CDH18: variants seen among roughly 807,000 people sequenced by gnomAD.
CDH18 encodes the protein cadherin 18, also known as cadherin-18.
In CDH18, 31 loss-of-function variants were observed where a neutral mutation model predicts 67.9. That is an observed-to-expected ratio of 0.46 (90% CI 0.34 to 0.62). The LOEUF (loss-of-function observed/expected upper bound fraction) is 0.62. Among genes scored for constraint, CDH18 ranks in the 20% least tolerant of loss-of-function variants. The pLI is 0.01. For missense variants in CDH18, 890 were observed against 975.5 expected (o/e 0.91, Z 1.17); for synonymous variants, 362 against 347.2 (o/e 1.04, Z -0.48).
intron 3 of CDH18, among the ~76,000 whole-genome samples, chr5:19,799,153 A>T (rs192284615): frequency 6.6e-6 from 1 of 152,204 alleles, no homozygotes; most frequent in African/African-American, 2.4e-5. Context: ...TAGTCACAGA[A>T]GAGCAAATAC....
At chr5:19,909,693 A>C (rs542842725) in intron 2 of CDH18, among the ~76,000 whole-genome samples, 2 of 36,342 alleles carry the variant, frequency 5.5e-5, no homozygotes, top group Non-Finnish European at 1.1e-4. Context: ...GTCAAATGGC[A>C]AAAAAAAAAA....
intron 5 of CDH18, among the ~76,000 whole-genome samples, chr5:19,706,726 C>T (rs1036048749): frequency 2.6e-5 from 4 of 152,180 alleles, no homozygotes; most frequent in Non-Finnish European, 5.9e-5. Flanking sequence ...ATTCCAGCTA[C>T]ATTTTTATCT....
chr5:20,340,525 CT>C (rs1257783795), intron 1 of CDH18, among the ~76,000 whole-genome samples: 2 of 152,182 alleles, frequency 1.3e-5, no homozygotes, highest in African/African-American at 4.8e-5. Flanking sequence ...CTCCTTGACG[CT>C]GTCCAGCCTG....
At chr5:20,022,654 A>T (rs559270347) in intron 2 of CDH18, among the ~76,000 whole-genome samples, 1 of 152,220 alleles carries the variant, frequency 6.6e-6, no homozygotes, top group Non-Finnish European at 1.5e-5. Flanking sequence ...GTAAAAATTT[A>T]AGCAGATCTT....
At chr5:20,230,925 G>T (rs1480294775) in intron 2 of CDH18, among the ~76,000 whole-genome samples, 2 of 152,100 alleles carry the variant, frequency 1.3e-5, no homozygotes, top group Non-Finnish European at 2.9e-5. Flanking sequence ...AGGGAAAAAA[G>T]AAATAAAAGG....
chr5:20,563,967 T>G (rs1758357848), intron 1 of CDH18, among the ~76,000 whole-genome samples: 1 of 152,152 alleles, frequency 6.6e-6, no homozygotes, highest in African/African-American at 2.4e-5. Flanking sequence ...GAACCCATGG[T>G]AAGTTTAATC....
chr5:19,663,718 T>A (rs1246927455), intron 5 of CDH18, among the ~76,000 whole-genome samples: 2 of 151,974 alleles, frequency 1.3e-5, no homozygotes, highest in Non-Finnish European at 2.9e-5. Context: ...TTAACTCTAA[T>A]TCTCAACTTA....
At chr5:20,430,084 ACT>A (rs2150173647) in intron 1 of CDH18, among the ~76,000 whole-genome samples, 2 of 152,212 alleles carry the variant, frequency 1.3e-5, no homozygotes, top group South Asian at 4.1e-4. Flanking sequence ...GGGCCATAAC[ACT>A]CTACGAATAT....
intron 1 of CDH18, among the ~76,000 whole-genome samples, chr5:20,335,024 G>C (rs6871429): frequency 0.12 from 18,405 of 148,676 alleles, 1,187 homozygotes; most frequent in African/African-American, 0.15. Flanking sequence ...GTCTTTTTGA[G>C]TCTTCTCTTT....
At chr5:19,792,947 C>G (rs2149819497) in intron 3 of CDH18, among the ~76,000 whole-genome samples, 1 of 152,252 alleles carries the variant, frequency 6.6e-6, no homozygotes, top group South Asian at 2.1e-4. Context: ...AAGCATGATT[C>G]TTCCAAATAT....
Position 20,501,581 on chromosome 5 carries a change from T to A in CDH18, c.-580+73881A>T, listed in dbSNP as rs1360054024. Among the ~76,000 whole-genome samples the A allele has an allele frequency of 3.8e-3, 49 of 13,052 alleles. 1 individual carries two copies. The highest frequency in any genetic ancestry group is 5.5e-3 in the Non-Finnish European group (32 of 5,870). The allele number at this position is 13,052 out of a possible 152,430, so 8.6% of individuals were successfully genotyped here. ...AATATATATATATAATATATATATA[T>A]TATATATATATATTATATATATATA... On this transcript the variant is annotated intron_variant, in intron 1 of 14. Coordinates refer to the CDH18 transcript ENST00000507958.
At chr5:19,707,118 A>G (rs1471568024) in intron 5 of CDH18, among the ~76,000 whole-genome samples, 1 of 152,066 alleles carries the variant, frequency 6.6e-6, no homozygotes, top group African/African-American at 2.4e-5. Flanking sequence ...GAGACATCTA[A>G]AGCCGTACTA....
chr5:19,602,219 A>G (rs542307464), intron 6 of CDH18, among the ~76,000 whole-genome samples: 1 of 152,278 alleles, frequency 6.6e-6, no homozygotes, highest in African/African-American at 2.4e-5. Context: ...ACACAAATAC[A>G]GACACACCCC....
intron 1 of CDH18, among the ~76,000 whole-genome samples, chr5:20,522,943 A>T (rs1224516475): frequency 6.6e-6 from 1 of 152,198 alleles, no homozygotes; most frequent in African/African-American, 2.4e-5. Context: ...TTATGCAACC[A>T]ATGAATCAAA....
At chr5:20,392,961 C>T (rs1744994358) in intron 1 of CDH18, among the ~76,000 whole-genome samples, 1 of 151,666 alleles carries the variant, frequency 6.6e-6, no homozygotes, top group Admixed American at 6.6e-5. Flanking sequence ...GTTTCTTCAA[C>T]AAATCCAGCA....
At chr5:20,491,721 A>G (rs985779670) in intron 1 of CDH18, among the ~76,000 whole-genome samples, 3 of 152,306 alleles carry the variant, frequency 2.0e-5, no homozygotes, top group African/African-American at 7.2e-5. Context: ...TATAGAGGCC[A>G]ATCTGCTTTC....
chr5:20,004,787 A>T (rs1448296657), intron 2 of CDH18, among the ~76,000 whole-genome samples: 8 of 152,250 alleles, frequency 5.3e-5, no homozygotes, highest in Admixed American at 5.2e-4. Flanking sequence ...AAATCACTAC[A>T]AAGAGAAACA....
chr5:19,829,413 G>A (rs1166500812), intron 3 of CDH18, among the ~76,000 whole-genome samples: 1 of 151,962 alleles, frequency 6.6e-6, no homozygotes, highest in African/African-American at 2.4e-5. Context: ...TTATATACAA[G>A]AACAACATCC....
intron 5 of CDH18, among the ~76,000 whole-genome samples, chr5:19,657,234 A>G (rs1306113428): frequency 6.6e-6 from 1 of 152,120 alleles, no homozygotes; most frequent in East Asian, 1.9e-4. Context: ...TTGGGAGGGA[A>G]TGTGATAGAA....
Sources: allele counts gnomAD v4.1 joint callset (sites outside exome capture counted in the v4.1 genomes callset), GRCh38; gene constraint gnomAD v4.1.1; transcripts MANE v1.5; gene names NCBI Gene and HGNC (gene_info 2026-07-23, HGNC 2026-07-21).